The following RBFOX1 variants were observed in gnomAD, a reference collection of about 807,000 sequenced individuals.
The protein encoded by RBFOX1 is RNA binding fox-1 homolog 1, also known as RNA binding protein fox-1 homolog 1.
RBFOX1 carries 8 observed loss-of-function variants against 57.7 expected under a neutral mutation model. The ratio of observed to expected loss-of-function variants is 0.14; its 90% confidence interval spans 0.08 to 0.25. RBFOX1 has a LOEUF of 0.25. Among genes scored for constraint, RBFOX1 ranks in the 10% least tolerant of loss-of-function variants. The probability of loss-of-function intolerance (pLI) is 1.00; values close to 1 mark genes in which losing one functional copy is unlikely to be tolerated. For synonymous variants in RBFOX1, 326 were observed against 222.4 expected (o/e 1.47, Z -4.15); for missense variants, 611 against 548.5 (o/e 1.11, Z -1.14).
At chr16:5,589,060 C>T (rs894059737) in intron 2 of RBFOX1, among the ~76,000 whole-genome samples, 36 of 152,152 alleles carry the variant, frequency 2.4e-4, no homozygotes, top group African/African-American at 8.0e-4. Context: ...TCAGGGATGG[C>T]AGGGCCAAGG....
At chr16:6,977,821 C>G (rs1290169949) in intron 3 of RBFOX1, among the ~76,000 whole-genome samples, 1 of 151,008 alleles carries the variant, frequency 6.6e-6, no homozygotes, top group Non-Finnish European at 1.5e-5. Flanking sequence ...GCACCTTTGG[C>G]TTATTTGCAG....
At chr16:5,421,575 C>T (rs1227357649) in intron 1 of RBFOX1, among the ~76,000 whole-genome samples, 2 of 152,110 alleles carry the variant, frequency 1.3e-5, no homozygotes. Flanking sequence ...TCGAGTGAGG[C>T]TCCTTGGCCC....
intron 3 of RBFOX1, among the ~76,000 whole-genome samples, chr16:6,690,168 G>A (rs868814179): frequency 7.9e-5 from 12 of 152,250 alleles, no homozygotes; most frequent in African/African-American, 1.7e-4. Context: ...TTGAATAAAT[G>A]TTTTATTACT....
chr16:6,674,930 C>A (rs916247219), intron 3 of RBFOX1, among the ~76,000 whole-genome samples: 1 of 151,716 alleles, frequency 6.6e-6, no homozygotes. Context: ...TTTTTTGACA[C>A]AGTCTCACTG....
chr16:6,519,453 C>T (rs2096457630), intron 2 of RBFOX1, among the ~76,000 whole-genome samples: 1 of 152,166 alleles, frequency 6.6e-6, no homozygotes, highest in Non-Finnish European at 1.5e-5. Flanking sequence ...GTAATCCCAG[C>T]ACTTTGGGAG....
At chr16:6,956,554 G>A (rs1215505394) in intron 3 of RBFOX1, among the ~76,000 whole-genome samples, 1 of 152,168 alleles carries the variant, frequency 6.6e-6, no homozygotes, top group Admixed American at 6.5e-5. Flanking sequence ...GCCAGTGGGG[G>A]CAGTTGTACC....
chr16:6,316,147 C>T (rs2081093165), intron 1 of RBFOX1, among the ~76,000 whole-genome samples: 1 of 152,164 alleles, frequency 6.6e-6, no homozygotes, highest in Non-Finnish European at 1.5e-5. Context: ...ACTTAAGTTT[C>T]TCCCCAGAGA....
At chr16:6,147,332 T>G (rs2096766042) in intron 1 of RBFOX1, among the ~76,000 whole-genome samples, 1 of 152,174 alleles carries the variant, frequency 6.6e-6, no homozygotes, top group Admixed American at 6.5e-5. Context: ...GTTTTGCTTT[T>G]CTGTGATCCC....
intron 4 of RBFOX1, among the ~76,000 whole-genome samples, chr16:7,455,026 A>T (rs2058215560): frequency 6.6e-6 from 1 of 152,196 alleles, no homozygotes; most frequent in Admixed American, 6.5e-5. Flanking sequence ...GATTTGTTCA[A>T]ACACAATAGG....
At chr16:6,037,376 G>A (rs1223035045) in intron 1 of RBFOX1, 1 of 152,052 alleles carries the variant, frequency 6.6e-6, no homozygotes, top group African/African-American at 2.4e-5. Context: ...TTTCTGTGAA[G>A]TTCTTGATAG....
intron 3 of RBFOX1, among the ~76,000 whole-genome samples, chr16:6,906,616 G>C (rs2070031243): frequency 6.6e-6 from 1 of 152,066 alleles, no homozygotes; most frequent in African/African-American, 2.4e-5. Flanking sequence ...TGATAGGTTT[G>C]GATTTCCTTG....
intron 2 of RBFOX1, among the ~76,000 whole-genome samples, chr16:6,340,321 C>T (rs540670828): frequency 5.3e-5 from 8 of 151,962 alleles, no homozygotes; most frequent in South Asian, 2.1e-4. Flanking sequence ...ACTGGTGTTA[C>T]CGAAAATGGG....
At chr16:5,829,149 A>G (rs964993816) in intron 3 of RBFOX1, among the ~76,000 whole-genome samples, 1 of 152,152 alleles carries the variant, frequency 6.6e-6, no homozygotes, top group Non-Finnish European at 1.5e-5. Context: ...GCCAGGAGGA[A>G]GGGGTCAATG....
chr16:6,740,089 C>G (rs1255834103), intron 3 of RBFOX1, among the ~76,000 whole-genome samples: 1 of 152,080 alleles, frequency 6.6e-6, no homozygotes, highest in Non-Finnish European at 1.5e-5. Context: ...GAGGAATAGT[C>G]CAGTAATACA....
intron 3 of RBFOX1, among the ~76,000 whole-genome samples, chr16:6,935,818 C>T (rs925045731): frequency 6.6e-5 from 10 of 152,118 alleles, no homozygotes; most frequent in African/African-American, 2.4e-4. Context: ...CTAAGGCATG[C>T]CACAGAGTTT....
At chr16:6,890,687 T>G (rs201493460) in intron 3 of RBFOX1, among the ~76,000 whole-genome samples, 2 of 152,202 alleles carry the variant, frequency 1.3e-5, no homozygotes, top group Non-Finnish European at 2.9e-5. Flanking sequence ...GTCCCCAGTT[T>G]CCTGGGATTT....
chr16:5,795,739 T>C (rs1292108107), intron 3 of RBFOX1, among the ~76,000 whole-genome samples: 1 of 152,226 alleles, frequency 6.6e-6, no homozygotes, highest in East Asian at 1.9e-4. Context: ...TTATATACAT[T>C]CATATATCCC....
At chr16:6,466,619 C>T (rs146559049) in intron 2 of RBFOX1, among the ~76,000 whole-genome samples, 3 of 152,276 alleles carry the variant, frequency 2.0e-5, no homozygotes, top group Non-Finnish European at 4.4e-5. Context: ...GGCAGAATAT[C>T]ACAGGAATGG....
At chr16:6,011,983 G>A (rs139343027) in intron 4 of RBFOX1, among the ~76,000 whole-genome samples, 5 of 152,310 alleles carry the variant, frequency 3.3e-5, no homozygotes, top group East Asian at 3.9e-4. Context: ...ATTTCTTCAC[G>A]ATGACCCTGT....
Sources: allele counts gnomAD v4.1 joint callset (sites outside exome capture counted in the v4.1 genomes callset), GRCh38; gene constraint gnomAD v4.1.1; transcripts MANE v1.5; gene names NCBI Gene and HGNC (gene_info 2026-07-23, HGNC 2026-07-21).